TMEM132C: variants seen among roughly 807,000 people sequenced by gnomAD.
TMEM132C encodes protein phosphatase 1, regulatory subunit 152.
A neutral mutation model predicts 61.4 loss-of-function variants in TMEM132C; 29 were observed. The ratio of observed to expected loss-of-function variants is 0.47; its 90% CI spans 0.35 to 0.64. The LOEUF is 0.64. Among genes scored for constraint, TMEM132C ranks in the 30% least tolerant of loss-of-function variants. The pLI is 0.00. For missense variants in TMEM132C, 1,408 were observed against 1,476.9 expected, an observed-to-expected ratio of 0.95 and a Z score of 0.76; for synonymous variants, 656 against 633.1, an observed-to-expected ratio of 1.04 and a Z score of -0.54.
chr12:128,665,126 CAT>C (rs1374795926), intron 4 of TMEM132C, among the ~76,000 whole-genome samples: 2 of 151,350 alleles, frequency 1.3e-5, no homozygotes, highest in Admixed American at 6.6e-5. Context: ...CTCACACACA[CAT>C]AGGCACATGT....
At chr12:128,574,761 C>G (rs190098380) in intron 3 of TMEM132C, among the ~76,000 whole-genome samples, 1 of 152,288 alleles carries the variant, frequency 6.6e-6, no homozygotes, top group Admixed American at 6.5e-5. Flanking sequence ...TTCCTTGGCC[C>G]TCATAAAGAA....
At chr12:128,268,593 C>T (rs1379689247) in intron 1 of TMEM132C, among the ~76,000 whole-genome samples, 1 of 152,244 alleles carries the variant, frequency 6.6e-6, no homozygotes, top group East Asian at 2.0e-4. Context: ...CGCGGCGCCG[C>T]GGGTCCAGTA....
intron 1 of TMEM132C, among the ~76,000 whole-genome samples, chr12:128,274,154 T>C (rs10773517): frequency 0.49 from 74,157 of 151,988 alleles, 18,513 homozygotes; most frequent in African/African-American, 0.59. Flanking sequence ...ATTCCAGTTA[T>C]TCTCCCAGAG....
intron 4 of TMEM132C, among the ~76,000 whole-genome samples, chr12:128,664,801 C>T (rs749381610): frequency 6.7e-6 from 1 of 149,848 alleles, no homozygotes; most frequent in African/African-American, 2.6e-5. Context: ...TTCTTGGTCC[C>T]GCGGGGGTTT....
rs34135152 is a variant in TMEM132C at position 128,547,565 on chromosome 12, C to CAA, written c.1121+3479_1121+3480dup. Among the ~76,000 whole-genome samples the CAA allele has an allele frequency of 5.7e-3, 384 of 67,566 alleles. 1 individual carries two copies. Among genetic ancestry groups the CAA allele is most frequent in the African/African-American group, 0.016 (340 of 20,818 alleles). 44.3% of individuals were successfully genotyped at this position (67,566 alleles called of 152,430 possible). ...GGCGACAGAGCAAGACTCTGTCTCACAAAAAAAAAAAAAAAAAAGAAATAT... is the reference window on the plus strand; with the variant it reads ...GGCGACAGAGCAAGACTCTGTCTCACAAAAAAAAAAAAAAAAAAAAGAAATAT... On this transcript the variant is annotated intron_variant, in intron 3 of 8. Coordinates refer to ENST00000435159, the MANE Select transcript of TMEM132C (RefSeq NM_001136103.3).
At chr12:128,417,571 G>A (rs1251315779) in intron 2 of TMEM132C, among the ~76,000 whole-genome samples, 1 of 152,166 alleles carries the variant, frequency 6.6e-6, no homozygotes, top group Admixed American at 6.5e-5. Flanking sequence ...TGTGTTGGTA[G>A]GCAAGTTAAC....
chr12:128,279,993 C>G (rs1004750848), intron 1 of TMEM132C, among the ~76,000 whole-genome samples: 2 of 152,154 alleles, frequency 1.3e-5, no homozygotes, highest in African/African-American at 2.4e-5. Flanking sequence ...AATGAACGGA[C>G]AAGTGAATAA....
intron 2 of TMEM132C, among the ~76,000 whole-genome samples, chr12:128,442,489 G>A (rs1869830939): frequency 1.3e-5 from 2 of 152,150 alleles, no homozygotes; most frequent in Admixed American, 1.3e-4. Flanking sequence ...TGAGGTTCAG[G>A]CATTGGTATT....
At chr12:128,626,995 G>A (rs1954023412) in intron 4 of TMEM132C, among the ~76,000 whole-genome samples, 1 of 152,152 alleles carries the variant, frequency 6.6e-6, no homozygotes, top group Admixed American at 6.5e-5. Context: ...AGCACCTACT[G>A]TGTGCAAGCC....
chr12:128,372,275 A>G (rs1874049192), intron 1 of TMEM132C, among the ~76,000 whole-genome samples: 1 of 152,164 alleles, frequency 6.6e-6, no homozygotes, highest in African/African-American at 2.4e-5. Flanking sequence ...CCTTACCTTT[A>G]AAATTATGTG....
intron 2 of TMEM132C, among the ~76,000 whole-genome samples, chr12:128,434,112 C>T (rs987206603): frequency 2.6e-5 from 4 of 152,166 alleles, no homozygotes; most frequent in Non-Finnish European, 5.9e-5. Context: ...TGGCTGCTCT[C>T]CTAGGGTGGG....
intron 2 of TMEM132C, among the ~76,000 whole-genome samples, chr12:128,436,072 G>A (rs1457719213): frequency 7.2e-5 from 11 of 152,238 alleles, no homozygotes; most frequent in Admixed American, 1.3e-4. Flanking sequence ...TTAATAAATG[G>A]TGCTGGGAAA....
intron 3 of TMEM132C, among the ~76,000 whole-genome samples, chr12:128,606,661 G>T (rs189599515): frequency 6.6e-6 from 1 of 152,140 alleles, no homozygotes; most frequent in Non-Finnish European, 1.5e-5. Flanking sequence ...CTCTGTCAAG[G>T]CCTGTGTGTG....
chr12:128,426,630 A>G (rs537541193), intron 2 of TMEM132C, among the ~76,000 whole-genome samples: 143 of 152,300 alleles, frequency 9.4e-4, no homozygotes, highest in Middle Eastern at 6.8e-3. Context: ...TCTGGAACAG[A>G]GAAAAGGAAC....
At position 128,512,084 on chromosome 12, in the gene TMEM132C, GT is replaced by G. The variant is rs113131064; in HGVS notation, c.975-31863del. On this transcript the variant is annotated intron_variant, in intron 2 of 8. Coordinates refer to ENST00000435159, the MANE Select transcript of TMEM132C (RefSeq NM_001136103.3). ...CAGGCACTTTCCTACCGCACTGCCA[GT>G]TTTTTTTTTCTTTTTCTTTTTAAGG... Among the ~76,000 whole-genome samples the G allele has an allele frequency of 3.1e-3, 465 of 149,810 alleles. 1 individual carries two copies. Among genetic ancestry groups the G allele is most frequent in the African/African-American group, 3.7e-3 (150 of 40,872 alleles).
chr12:128,435,086 A>C, intron 2 of TMEM132C, among the ~76,000 whole-genome samples: 1 of 152,156 alleles, frequency 6.6e-6, no homozygotes, highest in South Asian at 2.1e-4. Context: ...AATGACTTTT[A>C]GAAGATGAAG....
chr12:128,295,529 G>A (rs566725493), intron 1 of TMEM132C, among the ~76,000 whole-genome samples: 5 of 148,020 alleles, frequency 3.4e-5, no homozygotes, highest in East Asian at 4.0e-4. Flanking sequence ...AGGGCGTCCT[G>A]TCTGTAACAG....
intron 2 of TMEM132C, among the ~76,000 whole-genome samples, chr12:128,476,695 G>T (rs1871165780): frequency 6.6e-6 from 1 of 150,968 alleles, no homozygotes. Flanking sequence ...CACAGTACAA[G>T]CAGTCATTTA....
intron 1 of TMEM132C, among the ~76,000 whole-genome samples, chr12:128,397,624 C>T (rs1307753395): frequency 6.6e-6 from 1 of 152,142 alleles, no homozygotes; most frequent in East Asian, 1.9e-4. Context: ...TCGCCCCTCC[C>T]CTTGGGACAT....
Sources: gnomAD v4.1 joint callset for allele counts (sites outside exome capture counted in the v4.1 genomes callset) on GRCh38, gnomAD v4.1.1 for gene constraint, MANE v1.5 for transcripts, NCBI Gene and HGNC (gene_info 2026-07-23, HGNC 2026-07-21) for gene names.